Variants in KY observed in about 807,000 individuals in gnomAD.
KY encodes the protein kyphoscoliosis peptidase.
In KY, 43 loss-of-function variants were observed where a neutral mutation model predicts 76.1. The observed-to-expected ratio is 0.57, with a 90% CI of 0.44 to 0.73. The LOEUF is 0.73. KY is among the 30% of genes least tolerant of loss of function. The pLI, the probability that KY is intolerant of heterozygous loss-of-function variation, is 0.00. For missense variants in KY, 722 were observed against 828.9 expected (o/e 0.87, Z 1.58); for synonymous variants, 277 against 326.2 (o/e 0.85, Z 1.63).
intron 10 of KY, chr3:134,607,230 T>C (rs946183986): frequency 2.0e-6 from 2 of 985,318 alleles, no homozygotes; most frequent in Admixed American, 1.2e-4. Flanking sequence ...CTTCACGCTG[T>C]TATTTTAGCT....
At chr3:134,650,028 G>T (rs1294160679) in intron 1 of KY, among the ~76,000 whole-genome samples, 1 of 152,228 alleles carries the variant, frequency 6.6e-6, no homozygotes, top group African/African-American at 2.4e-5. Flanking sequence ...GGACCCTGAG[G>T]TTCTCTGGCT....
intron 8 of KY, among the ~76,000 whole-genome samples, chr3:134,614,339 G>A (rs1961100180): frequency 6.6e-6 from 1 of 152,076 alleles, no homozygotes; most frequent in South Asian, 2.1e-4. Context: ...TTACAGAATT[G>A]ACAACCTCAA....
At position 134,650,842 on chromosome 3, in the gene KY, A is replaced by C; in HGVS notation, c.119T>G (p.Leu40Arg). The change falls in exon 1 of 11, where the codon CTG becomes CGG. Residue 40 changes from leucine to arginine, a missense_variant. This residue lies in a region of KY where 170 missense variants were observed against 148.1 expected (regional missense o/e 1.15). Transcript: ENST00000423778. ...LSDQQANPSS[L>R]LQRGGGFQGV... ...CGCGTTACCTCCTCCGCGCTGCAGCAGCGAGCTCGGGTTCGCCTGCTGGTC... is the reference window on the plus strand; with the variant it reads ...CGCGTTACCTCCTCCGCGCTGCAGCCGCGAGCTCGGGTTCGCCTGCTGGTC... The C allele has an allele frequency of 1.2e-6, 2 of 1,604,740 alleles. No individual in the cohort carries two copies. Among genetic ancestry groups the C allele is most frequent in the Non-Finnish European group, 1.7e-6 (2 of 1,174,694 alleles).
intron 10 of KY, chr3:134,607,194 A>G: frequency 1.0e-6 from 1 of 985,484 alleles, no homozygotes; most frequent in Non-Finnish European, 1.2e-6. Flanking sequence ...TTGTAAGCAC[A>G]GGAAATGGAT....
intron 10 of KY, chr3:134,606,969 G>C: frequency 5.1e-6 from 5 of 985,028 alleles, no homozygotes; most frequent in Non-Finnish European, 6.0e-6. Flanking sequence ...AACAGAACTA[G>C]CTACCACAAA....
intron 4 of KY, chr3:134,628,160 C>G: frequency 3.4e-6 from 1 of 294,828 alleles, no homozygotes; most frequent in Non-Finnish European, 6.5e-6. Flanking sequence ...TTCCTGCTTT[C>G]TTGAATCCAC....
chr3:134,623,207 C>G (rs935073310), intron 6 of KY, among the ~76,000 whole-genome samples: 1 of 152,232 alleles, frequency 6.6e-6, no homozygotes, highest in African/African-American at 2.4e-5. Flanking sequence ...ACTCCCTGCT[C>G]TGTGGCTGGG....
chr3:134,648,662 T>G (rs1966727329), intron 1 of KY, among the ~76,000 whole-genome samples: 1 of 152,152 alleles, frequency 6.6e-6, no homozygotes, highest in East Asian at 1.9e-4. Flanking sequence ...AAATTCCTAG[T>G]GACCTAGCCT....
intron 8 of KY, among the ~76,000 whole-genome samples, chr3:134,618,050 C>T (rs1003753475): frequency 6.6e-6 from 1 of 152,198 alleles, no homozygotes; most frequent in East Asian, 1.9e-4. Context: ...TGTACCCTGA[C>T]CCACCGTGGC....
At chr3:134,636,333 A>G (rs1339868308) in intron 3 of KY, among the ~76,000 whole-genome samples, 1 of 152,150 alleles carries the variant, frequency 6.6e-6, no homozygotes, top group Admixed American at 6.5e-5. Flanking sequence ...ATTCCTCCCA[A>G]TGAGAGGTCT....
chr3:134,624,745 A>G (rs1963193290), intron 6 of KY, among the ~76,000 whole-genome samples: 1 of 152,082 alleles, frequency 6.6e-6, no homozygotes, highest in Non-Finnish European at 1.5e-5. Context: ...AAATGCCAAA[A>G]GGGGCATGGA....
chr3:134,634,792 C>T (rs572872392), intron 3 of KY, among the ~76,000 whole-genome samples: 14 of 152,276 alleles, frequency 9.2e-5, no homozygotes, highest in Admixed American at 3.3e-4. Flanking sequence ...TCTGCAGGGA[C>T]GACTGTGGGA....
rs1436090355 is a variant in KY, at chr3:134,602,939, C to CAGCTTCCAGCCAGTTGTGG, written c.*621_*639dup. Reference sequence around the variant, plus strand: ...TATACTTAGGGATGTTGGAGACGATCAGCTTCCAGCCAGTTGTGGGTCAGC... The same window carrying CAGCTTCCAGCCAGTTGTGG: ...TATACTTAGGGATGTTGGAGACGATCAGCTTCCAGCCAGTTGTGGAGCTTCCAGCCAGTTGTGGGTCAGC... On this transcript the variant is annotated 3_prime_UTR_variant, in exon 11 of 11. Transcript: ENST00000423778. Among the ~76,000 whole-genome samples the CAGCTTCCAGCCAGTTGTGG allele has an allele frequency of 6.6e-6, 1 of 152,226 alleles. No individual in the cohort carries two copies. Among genetic ancestry groups the CAGCTTCCAGCCAGTTGTGG allele is most frequent in the Non-Finnish European group, 1.5e-5 (1 of 68,036 alleles).
intron 8 of KY, among the ~76,000 whole-genome samples, chr3:134,614,501 C>A (rs1165339379): frequency 6.6e-6 from 1 of 151,910 alleles, no homozygotes; most frequent in Non-Finnish European, 1.5e-5. Flanking sequence ...CTCAGGGACC[C>A]AATCAGAGAA....
intron 8 of KY, 133 bp from the exon 9 acceptor site, chr3:134,610,516 A>C: frequency 1.3e-6 from 1 of 742,574 alleles, no homozygotes; most frequent in Non-Finnish European, 2.2e-6. Flanking sequence ...TGCTTCTTGT[A>C]CTCACATATA....
At chr3:134,620,934 C>T in intron 6 of KY, 77 bp from the exon 7 acceptor site, 1 of 839,236 alleles carries the variant, frequency 1.2e-6, no homozygotes, top group East Asian at 2.7e-5. Context: ...GCACCTACAG[C>T]CAGTGCTGCT....
At chr3:134,623,880 T>G (rs1963047999) in intron 6 of KY, among the ~76,000 whole-genome samples, 1 of 152,102 alleles carries the variant, frequency 6.6e-6, no homozygotes, top group Non-Finnish European at 1.5e-5. Flanking sequence ...CCCAGCCCCT[T>G]TGATGGCTCC....
At position 134,635,493 on chromosome 3, in the gene KY, T is replaced by TTAAA. The variant is rs1553814998; in HGVS notation, c.263-5799_263-5798insTTTA. Among the ~76,000 whole-genome samples, 497 of 79,328 alleles carry TTAAA rather than the reference T, an allele frequency of 6.3e-3. 15 individuals carry two copies. Among genetic ancestry groups the TTAAA allele is most frequent in the African/African-American group, 0.023 (481 of 20,488 alleles). The allele number at this position is 79,328 out of a possible 152,430, so 52.0% of individuals were successfully genotyped here. A position where few individuals can be genotyped will look rare whatever the true frequency, so the allele number is the denominator to read the frequency against. The stretch of plus-strand genomic sequence containing the variant: ...GCCTGGACAACAGAGCGAGACTCTG[T>TTAAA]AAAAAAAAAAAAAAAAAAAAAGTAC... On this transcript the variant is annotated intron_variant, in intron 3 of 10. Coordinates refer to ENST00000423778, the MANE Select transcript of KY (RefSeq NM_178554.6).
At chr3:134,644,433 T>C (rs1292659522) in intron 2 of KY, among the ~76,000 whole-genome samples, 1 of 152,180 alleles carries the variant, frequency 6.6e-6, no homozygotes, top group Non-Finnish European at 1.5e-5. Flanking sequence ...CAGCTGCTGC[T>C]GTGGCCTGCT....
Sources: gnomAD v4.1 joint callset for allele counts (sites outside exome capture counted in the v4.1 genomes callset) on GRCh38, gnomAD v4.1.1 for gene constraint, gnomAD v4.1.1 regional missense constraint, MANE v1.5 for transcripts, NCBI Gene and HGNC (gene_info 2026-07-23, HGNC 2026-07-21) for gene names.